GPCPD1: variants seen among roughly 807,000 people sequenced by gnomAD.
GPCPD1 encodes glycerophosphocholine phosphodiesterase GPCPD1.
Under a neutral mutation model 89.2 loss-of-function variants are expected in GPCPD1, and 29 were observed. The ratio of observed to expected loss-of-function variants is 0.33; its 90% CI spans 0.24 to 0.44. GPCPD1 has a LOEUF of 0.44. Among genes scored for constraint, GPCPD1 ranks in the 20% least tolerant of loss-of-function variants. The pLI, the probability that GPCPD1 is intolerant of heterozygous loss-of-function variation, is 1.00. For synonymous variants in GPCPD1, 258 were observed against 266.3 expected (o/e 0.97, Z 0.30); for missense variants, 594 against 808.9 (o/e 0.73, Z 3.22).
At chr20:5,573,999 C>T (rs1978284844) in intron 10 of GPCPD1, 30 bp from the exon 11 acceptor site, 1 of 1,080,174 alleles carries the variant, frequency 9.3e-7, no homozygotes, top group Non-Finnish European at 1.4e-6. Context: ...TTAACATAGA[C>T]TATAGAGAAG....
chr20:5,560,388 TCTG>T (rs1329989517), intron 16 of GPCPD1, among the ~76,000 whole-genome samples: 3 of 152,366 alleles, frequency 2.0e-5, no homozygotes, highest in Non-Finnish European at 4.4e-5. Context: ...AATTTTGCAG[TCTG>T]CTATGACTTT....
chr20:5,568,249 T>TAGTATATATATATATATACTA (rs1568653402), intron 12 of GPCPD1, among the ~76,000 whole-genome samples: 7 of 144,800 alleles, frequency 4.8e-5, no homozygotes, highest in Admixed American at 1.4e-4. Context: ...TATATATACT[T>TAGTATATATATATATATACTA]AGTATATATA....
At chr20:5,578,772 G>A (rs1196705286) in intron 7 of GPCPD1, among the ~76,000 whole-genome samples, 161 bp from the exon 8 acceptor site, 1 of 152,104 alleles carries the variant, frequency 6.6e-6, no homozygotes, top group Non-Finnish European at 1.5e-5. Flanking sequence ...TACAGGTTAA[G>A]GAATTAGGTG....
At chr20:5,553,372 T>A (rs1462692720) in intron 19 of GPCPD1, among the ~76,000 whole-genome samples, 1 of 152,186 alleles carries the variant, frequency 6.6e-6, no homozygotes, top group Non-Finnish European at 1.5e-5. Flanking sequence ...ACCTCTCCTC[T>A]GGCCTCCCTA....
At chr20:5,584,032 A>G (rs985680114) in intron 6 of GPCPD1, among the ~76,000 whole-genome samples, 11 of 152,202 alleles carry the variant, frequency 7.2e-5, no homozygotes, top group Non-Finnish European at 2.9e-5. Flanking sequence ...ATTGCTTAAC[A>G]ATGAAGATAA....
chr20:5,592,518 GT>G lies in GPCPD1; in HGVS notation c.231+808del, dbSNP rs571449293. ...GTATAATGGTGGCTAAGAGCACGAG[GT>G]AACAGTGGCTGCTTGCATTTTTCAC... On this transcript the variant is annotated intron_variant, in intron 4 of 19. Coordinates refer to ENST00000379019, the MANE Select transcript of GPCPD1 (RefSeq NM_019593.5). 2.0e-5 allele frequency among the ~76,000 whole-genome samples: 3 copies of G among 152,244 alleles called. No homozygotes were observed. The South Asian group carries it at 6.2e-4, about 32-fold the overall frequency.
intron 7 of GPCPD1, among the ~76,000 whole-genome samples, chr20:5,579,431 T>A (rs1159686847): frequency 6.6e-6 from 1 of 152,252 alleles, no homozygotes; most frequent in Non-Finnish European, 1.5e-5. Flanking sequence ...CACTGCAACT[T>A]CCGCCTTCCG....
At chr20:5,556,497 C>T (rs867884539) in intron 19 of GPCPD1, among the ~76,000 whole-genome samples, 26 of 152,310 alleles carry the variant, frequency 1.7e-4, no homozygotes, top group Middle Eastern at 6.8e-3. Context: ...AGCCACTGCG[C>T]CCGGCCTAAA....
rs553084558 is a variant in GPCPD1 at position 5,576,040 on chromosome 20, T to C, written c.706-62A>G. 1.3e-3 allele frequency: 810 copies of C among 603,278 alleles called. 2 individuals are homozygous for C. Among genetic ancestry groups the C allele is most frequent in the African/African-American group, 9.1e-3 (488 of 53,348 alleles). The allele number at this position is 603,278 out of a possible 1,614,324, so 37.4% of individuals were successfully genotyped here. A position where few individuals can be genotyped will look rare whatever the true frequency, so the allele number is the denominator to read the frequency against. On this transcript the variant is annotated intron_variant, in intron 8 of 19. Transcript: ENST00000379019. ...AACTTCTACATTACATACATACATA[T>C]ACACACACACACACACACACAGACA...
At chr20:5,605,369 T>C (rs551032565) in intron 1 of GPCPD1, among the ~76,000 whole-genome samples, 139 of 152,324 alleles carry the variant, frequency 9.1e-4, no homozygotes, top group Admixed American at 2.4e-3. Context: ...GAATTTCTAC[T>C]TTAACACAAA....
intron 19 of GPCPD1, among the ~76,000 whole-genome samples, chr20:5,550,523 A>T (rs750498619): frequency 6.6e-5 from 10 of 152,224 alleles, no homozygotes; most frequent in Admixed American, 5.9e-4. Flanking sequence ...AAGAAAACAC[A>T]TCTCTATAGA....
At chr20:5,553,288 T>C (rs1722828024) in intron 19 of GPCPD1, among the ~76,000 whole-genome samples, 2 of 152,202 alleles carry the variant, frequency 1.3e-5, no homozygotes, top group African/African-American at 4.8e-5. Context: ...TGTTTTGAGG[T>C]GCCACGAATC....
intron 15 of GPCPD1, 66 bp from the exon 16 acceptor site, chr20:5,561,596 A>C (rs1440428166): frequency 5.5e-6 from 4 of 724,806 alleles, no homozygotes; most frequent in Middle Eastern, 2.9e-4. Flanking sequence ...GAAAACAAAA[A>C]AAATACAATT....
rs1416975531 is a variant in GPCPD1 at position 5,579,942 on chromosome 20, T to G, written c.473+66A>C. The G allele has an allele frequency of 1.0e-5, 10 of 991,910 alleles. No individual in the cohort carries two copies. In the East Asian group the frequency reaches 2.0e-4, roughly 19 times the overall value. The allele number at this position is 991,910 out of a possible 1,614,324, so 61.4% of individuals were successfully genotyped here. A position where few individuals can be genotyped will look rare whatever the true frequency, so the allele number is the denominator to read the frequency against. On this transcript the variant is annotated intron_variant, in intron 7 of 19. Coordinates refer to ENST00000379019, the MANE Select transcript of GPCPD1 (RefSeq NM_019593.5). Reference sequence around the variant, plus strand: ...CTGTACACTTAAAGGCTAAAACCAATTGAGTCTGAAATCTACAGCACTAGT... The same window carrying G: ...CTGTACACTTAAAGGCTAAAACCAAGTGAGTCTGAAATCTACAGCACTAGT...
chr20:5,609,868 G>T (rs1980840152), intron 1 of GPCPD1, among the ~76,000 whole-genome samples: 1 of 148,566 alleles, frequency 6.7e-6, no homozygotes, highest in African/African-American at 2.5e-5. Context: ...AAAAAAGACT[G>T]ATACCTTGTA....
In GPCPD1 at chr20:5,604,576, ATTGTTT is replaced by A. The variant is rs547630274; in HGVS notation, c.-28-142_-28-137del. The A allele has an allele frequency of 5.1e-4, 76 of 148,480 alleles. 1 individual carries two copies. The highest frequency in any genetic ancestry group is 4.7e-3 in the South Asian group (48 of 10,274). 9.2% of individuals were successfully genotyped at this position (148,480 alleles called of 1,614,324 possible). ...AATGTCTTTGCAGTTTTATGGTGGGATTGTTTTTGTTTTTGTTTTAAAGTAACTTTA... is the reference window on the plus strand; with the variant it reads ...AATGTCTTTGCAGTTTTATGGTGGGATTGTTTTTGTTTTAAAGTAACTTTA... On this transcript the variant is annotated intron_variant, in intron 1 of 19. Coordinates refer to ENST00000379019, the MANE Select transcript of GPCPD1 (RefSeq NM_019593.5).
chr20:5,551,316 A>C (rs373332299), intron 19 of GPCPD1, among the ~76,000 whole-genome samples: 1 of 152,192 alleles, frequency 6.6e-6, no homozygotes, highest in Non-Finnish European at 1.5e-5. Context: ...TCTAAAGGAC[A>C]CTTGGAATTG....
rs746581211 is a variant in GPCPD1 at position 5,575,405 on chromosome 20, C to A, written c.1001+8G>T. 6.9e-5 allele frequency: 111 copies of A among 1,597,186 alleles called. No homozygotes were observed. Among genetic ancestry groups the A allele is most frequent in the Non-Finnish European group, 9.2e-5 (107 of 1,168,698 alleles). ...CAAATGCTAATCCTACTCAAATATT[C>A]AACTTACTGGGCAGTTGTTGTAGAG... On this transcript the variant is annotated splice_region_variant and intron_variant, in intron 10 of 19. Coordinates refer to ENST00000379019, the MANE Select transcript of GPCPD1 (RefSeq NM_019593.5).
At chr20:5,567,671 T>C (rs1986469023) in intron 12 of GPCPD1, 111 bp from the exon 13 acceptor site, 2 of 979,562 alleles carry the variant, frequency 2.0e-6, no homozygotes, top group Non-Finnish European at 2.9e-6. Context: ...CTAGCAACTC[T>C]ATTTACTCAA....
Sources: gnomAD v4.1 joint callset for allele counts (sites outside exome capture counted in the v4.1 genomes callset) on GRCh38, gnomAD v4.1.1 for gene constraint, MANE v1.5 for transcripts, NCBI Gene and HGNC (gene_info 2026-07-23, HGNC 2026-07-21) for gene names.